Variants in CTNNA3 observed in about 807,000 individuals in gnomAD.
CTNNA3 encodes catenin alpha 3.
CTNNA3 carries 76 observed loss-of-function variants against 95.7 expected under a neutral mutation model. The ratio of observed to expected loss-of-function variants is 0.79; its 90% confidence interval spans 0.66 to 0.96. The LOEUF is 0.96. CTNNA3 is among the 40% of genes least tolerant of loss of function. CTNNA3 has a pLI of 0.00. For synonymous variants in CTNNA3, 431 were observed against 374.4 expected (o/e 1.15, Z -1.74); for missense variants, 1,191 against 1,089.8 (o/e 1.09, Z -1.31).
chr10:67,641,471 T>C (rs970847240), intron 2 of CTNNA3, among the ~76,000 whole-genome samples: 1 of 152,150 alleles, frequency 6.6e-6, no homozygotes, highest in Non-Finnish European at 1.5e-5. Flanking sequence ...GGTCTAGAAC[T>C]AGAAATACCA....
At chr10:65,963,962 C>T (rs751749348) in intron 17 of CTNNA3, among the ~76,000 whole-genome samples, 7 of 152,174 alleles carry the variant, frequency 4.6e-5, no homozygotes, top group Non-Finnish European at 8.8e-5. Context: ...AAATGCATTC[C>T]GTTCACACCT....
At chr10:66,268,817 C>T (rs2091214906) in intron 13 of CTNNA3, among the ~76,000 whole-genome samples, 1 of 152,092 alleles carries the variant, frequency 6.6e-6, no homozygotes, top group Non-Finnish European at 1.5e-5. Context: ...ACTTCCTATT[C>T]AATTATCTAC....
At chr10:67,176,216 G>A (rs1412603123) in intron 7 of CTNNA3, among the ~76,000 whole-genome samples, 1 of 152,174 alleles carries the variant, frequency 6.6e-6, no homozygotes, top group East Asian at 1.9e-4. Flanking sequence ...ATTTCCAGAA[G>A]AGATTTAATG....
rs2091017154 is a variant in CTNNA3 at position 66,262,005 on chromosome 10, C to T, written c.1884+18465G>A. On this transcript the variant is annotated intron_variant, in intron 13 of 17. Transcript: ENST00000433211. ...CTTCGATGGCCCAACCATTAAACCT[C>T]TTTCTCTGCTGTAACCTCGTGTCTC... 2.0e-5 allele frequency among the ~76,000 whole-genome samples: 3 copies of T among 152,004 alleles called. No individual in the cohort carries two copies. In the South Asian group the frequency reaches 6.2e-4, roughly 31 times the overall value.
intron 13 of CTNNA3, among the ~76,000 whole-genome samples, chr10:66,193,028 G>T (rs547033151): frequency 6.6e-6 from 1 of 152,176 alleles, no homozygotes; most frequent in South Asian, 2.1e-4. Flanking sequence ...AAATAAGTCA[G>T]AAAAGTATTT....
At chr10:66,327,486 G>C (rs1178711003) in intron 12 of CTNNA3, among the ~76,000 whole-genome samples, 1 of 151,896 alleles carries the variant, frequency 6.6e-6, no homozygotes, top group African/African-American at 2.4e-5. Context: ...AGGTGTTAAG[G>C]ACCTAAAGAA....
chr10:65,923,254 T>A (rs2077117498), intron 17 of CTNNA3, among the ~76,000 whole-genome samples: 1 of 152,240 alleles, frequency 6.6e-6, no homozygotes, highest in African/African-American at 2.4e-5. Context: ...CTAAAAAGAC[T>A]TAAGGATATT....
At chr10:67,093,970 G>A (rs1857814515) in intron 7 of CTNNA3, among the ~76,000 whole-genome samples, 1 of 151,898 alleles carries the variant, frequency 6.6e-6, no homozygotes, top group South Asian at 2.1e-4. Flanking sequence ...CAGGCAGCAG[G>A]TAGTGCACTG....
intron 10 of CTNNA3, among the ~76,000 whole-genome samples, chr10:66,525,388 C>T (rs1841218182): frequency 6.6e-6 from 1 of 152,146 alleles, no homozygotes; most frequent in Admixed American, 6.5e-5. Flanking sequence ...CTAATTTTTA[C>T]ACCACAATGA....
intron 11 of CTNNA3, among the ~76,000 whole-genome samples, chr10:66,385,609 G>C (rs1476985254): frequency 1.3e-5 from 2 of 152,134 alleles, no homozygotes; most frequent in Non-Finnish European, 2.9e-5. Context: ...GCATCATCCT[G>C]ATACCAAAGC....
intron 5 of CTNNA3, among the ~76,000 whole-genome samples, chr10:67,442,425 TA>T (rs568970105): frequency 6.6e-6 from 1 of 151,346 alleles, no homozygotes. Flanking sequence ...CTAAACAGAT[TA>T]AAAAAAAGAG....
At chr10:66,352,027 T>G (rs765827103) in intron 12 of CTNNA3, among the ~76,000 whole-genome samples, 15 of 152,086 alleles carry the variant, frequency 9.9e-5, no homozygotes, top group Non-Finnish European at 1.8e-4. Flanking sequence ...AAGTACTATA[T>G]GCCAGAATGA....
intron 7 of CTNNA3, among the ~76,000 whole-genome samples, chr10:67,136,767 A>C (rs1289144958): frequency 6.6e-6 from 1 of 152,212 alleles, no homozygotes; most frequent in African/African-American, 2.4e-5. Flanking sequence ...CAGCACAAGA[A>C]ATCTTGCCAG....
chr10:66,296,240 A>T (rs544781588), intron 12 of CTNNA3, among the ~76,000 whole-genome samples: 1 of 152,262 alleles, frequency 6.6e-6, no homozygotes, highest in African/African-American at 2.4e-5. Context: ...AGTAGATGAA[A>T]TTGCCCTGTC....
chr10:67,298,874 A>G (rs1840151226), intron 5 of CTNNA3, among the ~76,000 whole-genome samples: 1 of 152,164 alleles, frequency 6.6e-6, no homozygotes, highest in African/African-American at 2.4e-5. Context: ...TGCATCAGCC[A>G]AACAGTCAAA....
At chr10:67,394,375 A>G (rs540747987) in intron 5 of CTNNA3, among the ~76,000 whole-genome samples, 23 of 152,172 alleles carry the variant, frequency 1.5e-4, no homozygotes, top group Non-Finnish European at 2.2e-4. Flanking sequence ...AGCTGACATC[A>G]GTATTGTAAA....
intron 4 of CTNNA3, among the ~76,000 whole-genome samples, chr10:67,526,892 G>A (rs1026726882): frequency 7.9e-5 from 12 of 152,186 alleles, no homozygotes; most frequent in Admixed American, 5.9e-4. Flanking sequence ...CAAAGCACTG[G>A]GCTTGACGCT....
intron 12 of CTNNA3, among the ~76,000 whole-genome samples, chr10:66,324,721 T>A (rs1292536804): frequency 6.6e-6 from 1 of 152,058 alleles, no homozygotes; most frequent in Non-Finnish European, 1.5e-5. Context: ...AGTTTCATGA[T>A]GACAAGATGC....
At chr10:67,325,323 T>G (rs1012428310) in intron 5 of CTNNA3, among the ~76,000 whole-genome samples, 7 of 152,168 alleles carry the variant, frequency 4.6e-5, no homozygotes, top group Non-Finnish European at 7.4e-5. Context: ...AGTTGTGGTG[T>G]TAGGTTGTTA....
Sources: allele counts gnomAD v4.1 joint callset (sites outside exome capture counted in the v4.1 genomes callset), GRCh38; gene constraint gnomAD v4.1.1; transcripts MANE v1.5; gene names NCBI Gene and HGNC (gene_info 2026-07-23, HGNC 2026-07-21).